CDKAL1: variants seen among roughly 807,000 people sequenced by gnomAD.
The protein encoded by CDKAL1 is threonylcarbamoyladenosine tRNA methylthiotransferase.
CDKAL1 carries 32 observed loss-of-function variants against 68.2 expected under a neutral mutation model. The observed-to-expected ratio is 0.47, with a 90% confidence interval of 0.35 to 0.63. The LOEUF (loss-of-function observed/expected upper bound fraction) is 0.63, where lower values mean the gene tolerates loss of function less well. Ranked by LOEUF, CDKAL1 falls within the 30% of genes least tolerant of loss-of-function variation. CDKAL1 has a pLI of 0.00. For synonymous variants in CDKAL1, 234 were observed against 244.3 expected (o/e 0.96, Z 0.39); for missense variants, 606 against 696.7 (o/e 0.87, Z 1.47).
intron 12 of CDKAL1, among the ~76,000 whole-genome samples, chr6:21,093,643 G>GGAT (rs1183012484): frequency 6.7e-6 from 1 of 148,494 alleles, no homozygotes. Flanking sequence ...AAGAGAACTT[G>GGAT]GATTGAATTG....
chr6:20,819,308 G>A (rs930263887), intron 8 of CDKAL1, among the ~76,000 whole-genome samples: 2 of 151,798 alleles, frequency 1.3e-5, no homozygotes, highest in Non-Finnish European at 2.9e-5. Flanking sequence ...TGAGTTTTAC[G>A]CAACCATCTC....
intron 9 of CDKAL1, among the ~76,000 whole-genome samples, chr6:20,941,786 G>A (rs533348351): frequency 6.6e-6 from 1 of 152,300 alleles, no homozygotes; most frequent in South Asian, 2.1e-4. Flanking sequence ...AAGAAAAGGT[G>A]AGATCATTGA....
At chr6:20,845,061 T>G (rs886089444) in intron 8 of CDKAL1, among the ~76,000 whole-genome samples, 2 of 152,256 alleles carry the variant, frequency 1.3e-5, no homozygotes, top group African/African-American at 4.8e-5. Flanking sequence ...AAGCATTGCA[T>G]ATTTGACTGC....
intron 11 of CDKAL1, among the ~76,000 whole-genome samples, chr6:21,061,770 C>T (rs986604650): frequency 6.6e-6 from 1 of 152,030 alleles, no homozygotes; most frequent in Non-Finnish European, 1.5e-5. Flanking sequence ...GGATCATTTG[C>T]GTATATAAAA....
chr6:21,224,913 TAAG>T (rs1045806706), intron 15 of CDKAL1, among the ~76,000 whole-genome samples: 3 of 152,322 alleles, frequency 2.0e-5, no homozygotes, highest in African/African-American at 7.2e-5. Flanking sequence ...ATAAGAAATG[TAAG>T]AATAGGTAAA....
At chr6:20,581,144 G>T (rs1344983931) in intron 4 of CDKAL1, among the ~76,000 whole-genome samples, 2 of 152,138 alleles carry the variant, frequency 1.3e-5, no homozygotes, top group Non-Finnish European at 2.9e-5. Context: ...TTTGTAGCTT[G>T]GCCTCCAGAG....
At chr6:21,012,338 C>T (rs1768071006) in intron 11 of CDKAL1, among the ~76,000 whole-genome samples, 1 of 152,188 alleles carries the variant, frequency 6.6e-6, no homozygotes, top group South Asian at 2.1e-4. Context: ...GTCTTTGCCA[C>T]AGTCACCATT....
intron 12 of CDKAL1, among the ~76,000 whole-genome samples, chr6:21,077,031 A>G (rs963072963): frequency 1.3e-5 from 2 of 152,206 alleles, no homozygotes; most frequent in African/African-American, 4.8e-5. Context: ...GTTTTTATAC[A>G]GAGGATATTT....
At chr6:20,955,304 C>G (rs1764724814) in intron 9 of CDKAL1, 115 bp from the exon 10 acceptor site, 2 of 1,057,824 alleles carry the variant, frequency 1.9e-6, no homozygotes, top group African/African-American at 3.1e-5. Flanking sequence ...CAATTGAATA[C>G]CCAGACTGCC....
At chr6:20,806,544 C>T (rs923253123) in intron 8 of CDKAL1, among the ~76,000 whole-genome samples, 5 of 152,106 alleles carry the variant, frequency 3.3e-5, no homozygotes, top group African/African-American at 9.7e-5. Flanking sequence ...TTTGAGAAAT[C>T]GCCAAACTGC....
chr6:20,994,166 G>A (rs1766984173), intron 10 of CDKAL1, among the ~76,000 whole-genome samples: 1 of 152,136 alleles, frequency 6.6e-6, no homozygotes, highest in Non-Finnish European at 1.5e-5. Context: ...CCCTTCACTT[G>A]TAAATTACTT....
intron 9 of CDKAL1, among the ~76,000 whole-genome samples, chr6:20,896,253 C>A (rs1483535793): frequency 6.6e-6 from 1 of 151,964 alleles, no homozygotes; most frequent in Non-Finnish European, 1.5e-5. Flanking sequence ...GGCTCCGCCA[C>A]CACACCCAGC....
At chr6:20,606,569 C>G (rs1406069780) in intron 4 of CDKAL1, among the ~76,000 whole-genome samples, 2 of 152,134 alleles carry the variant, frequency 1.3e-5, no homozygotes, top group Non-Finnish European at 2.9e-5. Context: ...AGTGAAGAAT[C>G]AAAAGAGTAG....
chr6:20,639,083 A>C (rs1279171215), intron 4 of CDKAL1, among the ~76,000 whole-genome samples: 1 of 152,162 alleles, frequency 6.6e-6, no homozygotes, highest in African/African-American at 2.4e-5. Flanking sequence ...GACTATGACC[A>C]GGCCTACTTA....
At chr6:20,978,886 C>G (rs934738015) in intron 10 of CDKAL1, among the ~76,000 whole-genome samples, 9 of 152,150 alleles carry the variant, frequency 5.9e-5, no homozygotes, top group Admixed American at 6.5e-5. Context: ...AGTATTAGTA[C>G]ACTATCCTCC....
intron 4 of CDKAL1, among the ~76,000 whole-genome samples, chr6:20,605,188 A>G (rs897175974): frequency 5.3e-5 from 8 of 152,186 alleles, no homozygotes; most frequent in Non-Finnish European, 1.2e-4. Context: ...TAGTACTTCC[A>G]TCCCCAACAG....
At chr6:21,132,226 G>A (rs1775366780) in intron 13 of CDKAL1, among the ~76,000 whole-genome samples, 1 of 152,038 alleles carries the variant, frequency 6.6e-6, no homozygotes, top group Non-Finnish European at 1.5e-5. Context: ...AATAATAGAA[G>A]AAAAAGCTTG....
At chr6:21,223,218 G>A (rs79398072) in intron 15 of CDKAL1, among the ~76,000 whole-genome samples, 10,823 of 152,170 alleles carry the variant, frequency 0.071, 1,083 homozygotes, top group African/African-American at 0.23. Context: ...TTTCTCATTT[G>A]TATGGAATTA....
chr6:21,091,725 C>G (rs978420548), intron 12 of CDKAL1, among the ~76,000 whole-genome samples: 3 of 152,116 alleles, frequency 2.0e-5, no homozygotes, highest in Non-Finnish European at 2.9e-5. Context: ...CACGCCTTTC[C>G]TTGTTTGGGA....
Sources: gnomAD v4.1 joint callset for allele counts (sites outside exome capture counted in the v4.1 genomes callset) on GRCh38, gnomAD v4.1.1 for gene constraint, MANE v1.5 for transcripts, NCBI Gene and HGNC (gene_info 2026-07-23, HGNC 2026-07-21) for gene names.